ZNF454: variants seen among roughly 807,000 people sequenced by gnomAD.
ZNF454 encodes the protein zinc finger protein 454.
In ZNF454, 30 loss-of-function variants were observed where a neutral mutation model predicts 48.2. The observed-to-expected ratio is 0.62, with a 90% CI of 0.47 to 0.84. ZNF454 has a LOEUF of 0.84. Ranked by LOEUF, ZNF454 falls within the 40% of genes least tolerant of loss-of-function variation. The pLI is 0.00. For synonymous variants in ZNF454, 204 were observed against 211.4 expected (o/e 0.97, Z 0.30); for missense variants, 510 against 623.1 (o/e 0.82, Z 1.93).
chr5:178,985,621 TG>T, the ZNF454 span: 1 of 360,346 alleles, frequency 2.8e-6, no homozygotes, highest in Non-Finnish European at 5.4e-6. Flanking sequence ...GAGAATGGCG[TG>T]AACCCGGAAG....
rs1286792094 is a variant in ZNF454, at chr5:178,965,939, T to C, written c.1535T>C (p.Ile512Thr). ...GKAFNQTANL[I>T]QHQRHHIGEK is the part of the protein sequence containing the mutation. ...GCTTTTAACCAGACTGCAAACCTCA[T>C]TCAGCATCAGAGACATCATATTGGA... Residue 512 changes from isoleucine (I) to threonine (T), a missense_variant, in exon 5 of 5, where the codon ATT (isoleucine) becomes ACT (threonine). Physicochemically the swap from Ile to Thr is moderately conservative, Grantham distance 89 (BLOSUM62 -1). Transcript: ENST00000519564. This position sits in a 1 kb window ranked among gnomAD's most constrained non-coding sequence, Gnocchi z 5.2. 46 of 1,598,736 alleles carry C rather than the reference T, an allele frequency of 2.9e-5. No homozygotes were observed. The highest frequency in any genetic ancestry group is 3.6e-5 in the Non-Finnish European group (42 of 1,173,252).
the ZNF454 span, chr5:178,978,845 C>T: frequency 6.6e-6 from 1 of 152,184 alleles, no homozygotes; most frequent in African/African-American, 2.4e-5. Context: ...AGAAAACCCA[C>T]AAAACTTTAT....
chr5:178,957,243 C>T (rs1032743701), intron 4 of ZNF454, among the ~76,000 whole-genome samples: 5 of 152,078 alleles, frequency 3.3e-5, no homozygotes, highest in African/African-American at 1.2e-4. Flanking sequence ...GGGACCAATT[C>T]TTGAAACTTT....
chr5:178,948,710 A>C (rs753916264), intron 4 of ZNF454, among the ~76,000 whole-genome samples: 20 of 152,158 alleles, frequency 1.3e-4, no homozygotes, highest in Non-Finnish European at 2.9e-4. Flanking sequence ...GTCAGACGTC[A>C]GAGAAGACTT....
At chr5:178,959,091 G>T (rs1409153173) in intron 4 of ZNF454, among the ~76,000 whole-genome samples, 2 of 151,764 alleles carry the variant, frequency 1.3e-5, no homozygotes. Context: ...AGCACATGAA[G>T]ATCTGTGTTT....
chr5:178,943,427 A>T (rs1043382846), intron 2 of ZNF454, among the ~76,000 whole-genome samples: 1 of 152,146 alleles, frequency 6.6e-6, no homozygotes, highest in African/African-American at 2.4e-5. Context: ...GATGGCACTA[A>T]GCCATTCACG....
Position 178,946,869 on chromosome 5 carries a change from G to C in ZNF454, c.161-28G>C. 1.3e-6 allele frequency: 2 copies of C among 1,590,632 alleles called. No individual in the cohort carries two copies. Among genetic ancestry groups the C allele is most frequent in the Non-Finnish European group, 1.7e-6 (2 of 1,159,770 alleles). On this transcript the variant is annotated intron_variant, in intron 3 of 4. Coordinates refer to ENST00000519564, the MANE Select transcript of ZNF454 (RefSeq NM_001178089.3). This position sits in a 1 kb window ranked among gnomAD's most constrained non-coding sequence, Gnocchi z 4.5. ...TTTATCTCTCGTATAAACAGATGTG[G>C]TTCATTTTTGTCTCCCCTTAAAAAC...
the ZNF454 span, chr5:178,981,295 T>C: frequency 3.7e-6 from 1 of 267,042 alleles, no homozygotes; most frequent in Non-Finnish European, 7.3e-6. The surrounding 1 kb of genome is among the most constrained non-coding windows in gnomAD (Gnocchi z 5.1). Flanking sequence ...GTTATGGGGG[T>C]TGACTGAGGG....
In ZNF454 at chr5:178,946,866, G is replaced by T. The variant is rs571680687; in HGVS notation, c.161-31G>T. ...ATTTTTATCTCTCGTATAAACAGAT[G>T]TGGTTCATTTTTGTCTCCCCTTAAA... On this transcript the variant is annotated intron_variant, in intron 3 of 4. Coordinates refer to ENST00000519564, the MANE Select transcript of ZNF454 (RefSeq NM_001178089.3). The surrounding 1 kb of genome is among the most constrained non-coding windows in gnomAD (Gnocchi z 4.5). 8.2e-4 allele frequency: 1,297 copies of T among 1,576,696 alleles called. 14 individuals carry two copies. In the South Asian group the frequency reaches 0.014, roughly 17 times the overall value.
chr5:178,965,158 G>C lies in ZNF454; in HGVS notation c.754G>C (p.Ala252Pro), dbSNP rs1300979630. ...KPYECKECGKAFSVSSSLTYH... is the reference protein window; with the variant it reads ...KPYECKECGKPFSVSSSLTYH... ...CTATGAATGTAAGGAATGTGGCAAG[G>C]CCTTCTCAGTGAGCTCCTCACTTAC... is the stretch of plus-strand genomic sequence containing the variant. Residue 252 changes from alanine (A) to proline (P), a missense_variant, in exon 5 of 5, where the codon GCC becomes CCC. Ala to Pro is a conservative substitution (Grantham distance 27, BLOSUM62 -1). Around this residue, in one of 3 missense-constraint regions of ZNF454, gnomAD observed 354 missense variants for 408.9 expected, o/e 0.87. Transcript: ENST00000519564. This position sits in a 1 kb window ranked among gnomAD's most constrained non-coding sequence, Gnocchi z 5.2. The C allele has an allele frequency of 6.2e-7, 1 of 1,614,172 alleles. No individual in the cohort carries two copies. Among genetic ancestry groups the C allele is most frequent in the Admixed American group, 1.7e-5 (1 of 60,022 alleles).
chr5:178,986,934 C>T, the ZNF454 span: 1 of 1,614,140 alleles, frequency 6.2e-7, no homozygotes. Context: ...TGTCGTACCG[C>T]CCGGGCGCAT....
At chr5:178,972,862 C>T in the ZNF454 span, among the ~76,000 whole-genome samples, 1 of 152,238 alleles carries the variant, frequency 6.6e-6, no homozygotes. Context: ...CCTATCTTAT[C>T]GCCAACTCGG....
At chr5:178,985,668 A>T in the ZNF454 span, 12 of 397,104 alleles carry the variant, frequency 3.0e-5, no homozygotes, top group Non-Finnish European at 4.9e-5. Flanking sequence ...GTGCCACTGC[A>T]CTCCAGCCTG....
the ZNF454 span, chr5:178,983,001 G>C: frequency 6.2e-7 from 1 of 1,614,122 alleles, no homozygotes. Context: ...GATGGGCTTG[G>C]CCTCGTTGAA....
Position 178,965,706 on chromosome 5 carries a change from T to C in ZNF454, c.1302T>C (p.His434=), listed in dbSNP as rs555196663. The change falls in exon 5 of 5, where the codon CAT becomes CAC. Residue 434 remains histidine (H), a synonymous_variant. Coordinates refer to ENST00000519564, the MANE Select transcript of ZNF454 (RefSeq NM_001178089.3). The surrounding 1 kb of genome is among the most constrained non-coding windows in gnomAD (Gnocchi z 5.2). ...QSALAQHQRI[H]TGEKPYTCNI... ...CACTAGCCCAACATCAGAGAATTCA[T>C]ACTGGGGAAAAACCTTATACATGTA... 6.2e-7 allele frequency: 1 copy of C among 1,614,048 alleles called. No individual in the cohort carries two copies. The highest frequency in any genetic ancestry group is 8.5e-7 in the Non-Finnish European group (1 of 1,180,036).
the ZNF454 span, chr5:178,983,057 G>T: frequency 1.2e-6 from 2 of 1,614,204 alleles, no homozygotes; most frequent in South Asian, 2.2e-5. Flanking sequence ...CTGTGCACGT[G>T]ACCATGAGCA....
chr5:178,946,230 G>C lies in ZNF454; in HGVS notation c.34-129G>C. The C allele has an allele frequency of 7.8e-7, 1 of 1,286,840 alleles. No individual in the cohort carries two copies. The highest frequency in any genetic ancestry group is 1.1e-6 in the Non-Finnish European group (1 of 931,286). The allele number at this position is 1,286,840 out of a possible 1,614,324, so 79.7% of individuals were successfully genotyped here. A position where few individuals can be genotyped will look rare whatever the true frequency, so the allele number is the denominator to read the frequency against. ...CCTGAAGAGTGATGAACTTGTCACA[G>C]AACGCCAGCTCCCTGTGTGCCAGCA... is the stretch of plus-strand genomic sequence containing the variant. On this transcript the variant is annotated intron_variant, in intron 2 of 4. Transcript: ENST00000519564. This position sits in a 1 kb window ranked among gnomAD's most constrained non-coding sequence, Gnocchi z 4.5.
chr5:178,972,627 G>A, the ZNF454 span, among the ~76,000 whole-genome samples: 1 of 152,180 alleles, frequency 6.6e-6, no homozygotes, highest in African/African-American at 2.4e-5. Flanking sequence ...GGTGTGGTAA[G>A]GTCCCACGCA....
rs12719860 is a variant in ZNF454 at position 178,964,901 on chromosome 5, A to C, written c.497A>C (p.Asp166Ala). ...GSTMSSSLHS[D>A]QSQGFQPSKN... is the part of the protein sequence containing the mutation. ...ACTATGAGCTCATCTCTTCACAGTG[A>C]TCAAAGTCAGGGATTTCAACCTAGC... Residue 166 changes from aspartate (D) to alanine (A), a missense_variant, in exon 5 of 5, where the codon GAT becomes GCT. Physicochemically the swap from Asp to Ala is moderately radical, Grantham distance 126. Transcript: ENST00000519564. The C allele has an allele frequency of 0.68, 1,094,922 of 1,613,932 alleles. 371,835 individuals carry two copies. The highest frequency in any genetic ancestry group is 0.69 in the Middle Eastern group (4,200 of 6,062).
Sources: allele counts gnomAD v4.1 joint callset (sites outside exome capture counted in the v4.1 genomes callset), GRCh38; gene constraint gnomAD v4.1.1; regional missense constraint gnomAD v4.1.1; non-coding constraint Gnocchi (gnomAD v3.1); transcripts MANE v1.5; gene names NCBI Gene and HGNC (gene_info 2026-07-23, HGNC 2026-07-21).